The following CACNA1E variants were observed in gnomAD, a reference collection of about 807,000 sequenced individuals.
The protein encoded by CACNA1E is voltage-dependent R-type calcium channel subunit alpha-1E.
Under a neutral mutation model 259.2 loss-of-function variants are expected in CACNA1E, and 40 were observed. That is an observed-to-expected ratio of 0.15 (90% CI 0.12 to 0.20). The LOEUF (loss-of-function observed/expected upper bound fraction) is 0.20, where lower values mean the gene tolerates loss of function less well. CACNA1E is among the 10% of genes least tolerant of loss of function. The pLI, the probability that CACNA1E is intolerant of heterozygous loss-of-function variation, is 1.00. For missense variants in CACNA1E, 1,874 were observed against 3,040.1 expected (o/e 0.62, Z 9.02); for synonymous variants, 1,104 against 1,138.5 (o/e 0.97, Z 0.61).
intron 3 of CACNA1E, among the ~76,000 whole-genome samples, chr1:181,535,136 T>C (rs1668074028): frequency 2.0e-5 from 3 of 152,160 alleles, no homozygotes; most frequent in African/African-American, 7.2e-5. Context: ...GTTAAAAACG[T>C]AAAGGTAACT....
chr1:181,492,439 T>C (rs1246304815), intron 1 of CACNA1E, among the ~76,000 whole-genome samples: 1 of 152,266 alleles, frequency 6.6e-6, no homozygotes, highest in Non-Finnish European at 1.5e-5. Context: ...CTGTACCAGA[T>C]GACAGAGGAA....
chr1:181,470,286 T>C (rs1662421039), intron 2 of CACNA1E, among the ~76,000 whole-genome samples: 1 of 152,090 alleles, frequency 6.6e-6, no homozygotes, highest in East Asian at 1.9e-4. Flanking sequence ...ACTCCTGGGT[T>C]CAAGCATTCC....
intron 6 of CACNA1E, among the ~76,000 whole-genome samples, chr1:181,646,944 G>A (rs567207902): frequency 3.3e-5 from 5 of 152,304 alleles, no homozygotes; most frequent in East Asian, 3.9e-4. Context: ...TGCCGCCCCC[G>A]AACTGCTTTC....
chr1:181,681,345 A>T (rs1649951402), intron 7 of CACNA1E, among the ~76,000 whole-genome samples: 1 of 151,912 alleles, frequency 6.6e-6, no homozygotes, highest in African/African-American at 2.4e-5. Context: ...AACCAAATTA[A>T]TTTCCCCTAC....
chr1:181,616,004 C>T (rs1655172345), intron 6 of CACNA1E, among the ~76,000 whole-genome samples: 1 of 152,280 alleles, frequency 6.6e-6, no homozygotes, highest in Admixed American at 6.5e-5. Context: ...TGATTTTCCT[C>T]CTATATTCTT....
chr1:181,672,885 C>T (rs1648948890), intron 7 of CACNA1E, among the ~76,000 whole-genome samples: 1 of 152,046 alleles, frequency 6.6e-6, no homozygotes, highest in African/African-American at 2.4e-5. Flanking sequence ...TTAATGTTCC[C>T]CTTTTCTCTT....
chr1:181,472,011 C>T (rs943585155), intron 2 of CACNA1E, among the ~76,000 whole-genome samples: 1 of 151,998 alleles, frequency 6.6e-6, no homozygotes, highest in Non-Finnish European at 1.5e-5. Context: ...AAATGTTCAT[C>T]GATGGATGAA....
At chr1:181,363,051 G>A (rs113585711) in intron 1 of CACNA1E, among the ~76,000 whole-genome samples, 3 of 152,194 alleles carry the variant, frequency 2.0e-5, no homozygotes, top group African/African-American at 7.2e-5. Flanking sequence ...TGTGGACATA[G>A]TTCCCCCTGG....
Position 181,732,975 on chromosome 1 carries a change from G to T in CACNA1E, c.2889G>T (p.Arg963Ser), listed in dbSNP as rs748692975. The change falls in exon 20 of 48, where the codon AGG (arginine) becomes AGT (serine). Residue 963 changes from arginine to serine, a missense_variant. This residue lies in a region of CACNA1E where 476 missense variants were observed against 514.0 expected (regional missense o/e 0.93). Transcript: ENST00000367573. The surrounding 1 kb of genome is among the most constrained non-coding windows in gnomAD (Gnocchi z 5.5). ...PTEGEKDHEL[R>S]GNHGAKEPTI... ...AAGGGGAGAAGGACCATGAGCTCAGGGGCAACCATGGTGCCAAGGAGCCAA... is the reference window on the plus strand; with the variant it reads ...AAGGGGAGAAGGACCATGAGCTCAGTGGCAACCATGGTGCCAAGGAGCCAA... 14 of 1,613,540 alleles carry T rather than the reference G, an allele frequency of 8.7e-6. No homozygotes were observed. Among genetic ancestry groups the T allele is most frequent in the Non-Finnish European group, 1.2e-5 (14 of 1,179,772 alleles).
intron 1 of CACNA1E, among the ~76,000 whole-genome samples, chr1:181,339,983 T>C (rs1356455790): frequency 6.6e-6 from 1 of 152,100 alleles, no homozygotes; most frequent in Non-Finnish European, 1.5e-5. Flanking sequence ...GTTGAATGTA[T>C]CAGTCTCTTT....
intron 3 of CACNA1E, among the ~76,000 whole-genome samples, chr1:181,556,152 GT>G (rs1648696918): frequency 6.6e-6 from 1 of 152,108 alleles, no homozygotes; most frequent in South Asian, 2.1e-4. Flanking sequence ...TGCAGGATGG[GT>G]TTTCTGGCTT....
intron 7 of CACNA1E, among the ~76,000 whole-genome samples, chr1:181,705,135 G>T (rs552952558): frequency 4.6e-5 from 7 of 152,310 alleles, no homozygotes; most frequent in African/African-American, 1.7e-4. Flanking sequence ...TTTGTGATTT[G>T]TCTGTAGCAG....
At chr1:181,566,827 G>C (rs1649878506) in intron 3 of CACNA1E, among the ~76,000 whole-genome samples, 1 of 152,076 alleles carries the variant, frequency 6.6e-6, no homozygotes, top group African/African-American at 2.4e-5. Flanking sequence ...TATAGCAGTG[G>C]TTCTCAACTA....
intron 37 of CACNA1E, among the ~76,000 whole-genome samples, chr1:181,773,148 G>A (rs142112428): frequency 1.3e-5 from 2 of 152,312 alleles, no homozygotes; most frequent in Non-Finnish European, 2.9e-5. Flanking sequence ...ATTGTCTTAT[G>A]TCCAGGCATT....
At chr1:181,745,819 T>C (rs1657025409) in intron 25 of CACNA1E, among the ~76,000 whole-genome samples, 1 of 152,206 alleles carries the variant, frequency 6.6e-6, no homozygotes, top group Non-Finnish European at 1.5e-5. Context: ...GACAACTAAA[T>C]CCACTGTTCA....
chr1:181,442,254 G>A (rs1660533839), intron 2 of CACNA1E, among the ~76,000 whole-genome samples: 1 of 151,704 alleles, frequency 6.6e-6, no homozygotes, highest in African/African-American at 2.4e-5. Context: ...AGGTGTGAAG[G>A]GCACAGGTAT....
At chr1:181,621,867 T>C (rs1655756363) in intron 6 of CACNA1E, among the ~76,000 whole-genome samples, 1 of 152,094 alleles carries the variant, frequency 6.6e-6, no homozygotes, top group African/African-American at 2.4e-5. Context: ...CTACAATACA[T>C]AGGTAGGGGA....
chr1:181,715,355 G>A lies in CACNA1E; in HGVS notation c.1189G>A (p.Glu397Lys). The A allele has an allele frequency of 6.3e-7, 1 of 1,599,648 alleles. No individual in the cohort carries two copies. The highest frequency in any genetic ancestry group is 8.6e-7 in the Non-Finnish European group (1 of 1,169,348). Residue 397 changes from glutamate to lysine, a missense_variant, in exon 9 of 48, where the codon GAA becomes AAA. Glu to Lys is a moderately conservative substitution (Grantham distance 56). This residue lies in a region of CACNA1E where 157 missense variants were observed against 203.5 expected (regional missense o/e 0.77). Transcript: ENST00000367573. ...IDKAEEVMLAEENKNAGTSAL... is the reference protein window; with the variant it reads ...IDKAEEVMLAKENKNAGTSAL... ...CCATATAGAGGAAGTCATGCTCGCT[G>A]AAGAAAATAAAAATGCTGGAACATC...
chr1:181,458,398 T>C (rs1351817576), intron 2 of CACNA1E, among the ~76,000 whole-genome samples: 2 of 152,348 alleles, frequency 1.3e-5, no homozygotes, highest in East Asian at 3.9e-4. Context: ...ATATTTGCCT[T>C]TGTTACGGCC....
Sources: allele counts gnomAD v4.1 joint callset (sites outside exome capture counted in the v4.1 genomes callset), GRCh38; gene constraint gnomAD v4.1.1; regional missense constraint gnomAD v4.1.1; non-coding constraint Gnocchi (gnomAD v3.1); transcripts MANE v1.5; gene names NCBI Gene and HGNC (gene_info 2026-07-23, HGNC 2026-07-21).